The following LIPA variants were observed in gnomAD, a reference collection of about 807,000 sequenced individuals.
LIPA encodes lysosomal acid lipase/cholesteryl ester hydrolase.
LIPA carries 26 observed loss-of-function variants against 40.6 expected under a neutral mutation model. The observed-to-expected ratio is 0.64, with a 90% CI of 0.47 to 0.89. The LOEUF is 0.89. Among genes scored for constraint, LIPA ranks in the 40% least tolerant of loss-of-function variants. LIPA has a pLI of 0.00. For missense variants in LIPA, 455 were observed against 479.6 expected (o/e 0.95, Z 0.48); for synonymous variants, 188 against 168.4 (o/e 1.12, Z -0.90).
Position 89,239,677 on chromosome 10 carries a change from G to A in LIPA, c.229+5999C>T, listed in dbSNP as rs533846330. ...AATCACTCTGATCACCAGGCAACAC[G>A]AAGGCAGTAATGTGGTCTGTCTTGT... On this transcript the variant is annotated intron_variant, in intron 3 of 9. Transcript: ENST00000336233. Among the ~76,000 whole-genome samples the A allele has an allele frequency of 4.1e-4, 62 of 152,288 alleles. No homozygotes were observed. The South Asian group carries it at 0.011, about 27-fold the overall frequency.
At position 89,355,079 on chromosome 10, in the gene LIPA, A is replaced by G. The variant is rs1843982228; in HGVS notation, c.61+57712T>C. ...CCTGAAAAGATGTGTCAAAAGGCCA[A>G]TTTTAGGGTCCTACAATAGTGTTGT... On this transcript the variant is annotated intron_variant, in intron 2 of 8. Transcript: ENST00000371837. Among the ~76,000 whole-genome samples the G allele has an allele frequency of 2.6e-5, 4 of 152,170 alleles. No homozygotes were observed. In the South Asian group the frequency reaches 6.2e-4, roughly 24 times the overall value.
chr10:89,328,208 G>A, intron 1 of LIPA: 1 of 954,144 alleles, frequency 1.0e-6, no homozygotes, highest in Non-Finnish European at 1.6e-6. Context: ...ATCAGTCTGA[G>A]CATTTGTAAG....
At chr10:89,362,689 T>C in intron 2 of LIPA, 2 of 657,658 alleles carry the variant, frequency 3.0e-6, no homozygotes, top group South Asian at 3.0e-5. Flanking sequence ...TGCAAGAAGT[T>C]TGCAAATGCT....
chr10:89,326,536 G>A (rs1042338298), intron 1 of LIPA, among the ~76,000 whole-genome samples: 5 of 152,152 alleles, frequency 3.3e-5, no homozygotes, highest in Admixed American at 2.0e-4. Flanking sequence ...ACAAGAGGAT[G>A]ACTATAGTCA....
intron 2 of LIPA, among the ~76,000 whole-genome samples, chr10:89,364,563 A>T (rs906373603): frequency 2.0e-5 from 3 of 151,894 alleles, no homozygotes; most frequent in Non-Finnish European, 2.9e-5. Context: ...ATAAATTATT[A>T]TAGCTTTATA....
intron 2 of LIPA, among the ~76,000 whole-genome samples, chr10:89,394,775 T>C (rs1193804939): frequency 6.6e-6 from 1 of 151,990 alleles, no homozygotes; most frequent in Non-Finnish European, 1.5e-5. Context: ...TCATCATCAC[T>C]ATCTAGTTCA....
chr10:89,311,306 T>A (rs549577664), intron 1 of LIPA, among the ~76,000 whole-genome samples: 17 of 152,206 alleles, frequency 1.1e-4, no homozygotes, highest in Admixed American at 2.6e-4. Context: ...GTAGATCACC[T>A]GAGGTCAGGA....
At chr10:89,231,566 T>A (rs1842842887) in intron 3 of LIPA, among the ~76,000 whole-genome samples, 1 of 152,118 alleles carries the variant, frequency 6.6e-6, no homozygotes, top group African/African-American at 2.4e-5. Context: ...CTCAAACTCC[T>A]GGACTCAAGT....
intron 2 of LIPA, among the ~76,000 whole-genome samples, chr10:89,386,946 A>AGTGT (rs756939371): frequency 0.07 from 8,848 of 125,738 alleles, 914 homozygotes; most frequent in African/African-American, 0.23. Flanking sequence ...TGGGTATATG[A>AGTGT]GTGTGTGTGT....
intron 3 of LIPA, among the ~76,000 whole-genome samples, chr10:89,232,278 C>T (rs1007368370): frequency 6.6e-6 from 1 of 152,186 alleles, no homozygotes; most frequent in African/African-American, 2.4e-5. Flanking sequence ...GCTCATGTCA[C>T]AGCTCTTTAG....
At chr10:89,243,469 G>T (rs1842987041) in intron 3 of LIPA, among the ~76,000 whole-genome samples, 2 of 152,020 alleles carry the variant, frequency 1.3e-5, no homozygotes, top group Admixed American at 1.3e-4. Flanking sequence ...AACAGATTTA[G>T]CTTAGAGTAA....
chr10:89,281,238 C>T (rs769950280), intron 1 of LIPA, among the ~76,000 whole-genome samples: 1 of 152,112 alleles, frequency 6.6e-6, no homozygotes, highest in Admixed American at 6.5e-5. Context: ...AGCAAAGAAT[C>T]CTGCTGAGCC....
chr10:89,329,838 G>A (rs1032968924), intron 1 of LIPA, among the ~76,000 whole-genome samples: 3 of 152,180 alleles, frequency 2.0e-5, no homozygotes, highest in Non-Finnish European at 4.4e-5. Flanking sequence ...TATTTCACCT[G>A]GGTGCAGGTG....
In LIPA at chr10:89,375,682, C is replaced by T. The variant is rs573668304; in HGVS notation, c.61+37109G>A. ...GCAAACTTGGTCTTCCACAGCAGGGCTACGTGGGCCTAGTTTCCTTTCCCT... is the reference window on the plus strand; with the variant it reads ...GCAAACTTGGTCTTCCACAGCAGGGTTACGTGGGCCTAGTTTCCTTTCCCT... On this transcript the variant is annotated intron_variant, in intron 2 of 8. Coordinates refer to the LIPA transcript ENST00000371837. Among the ~76,000 whole-genome samples the T allele has an allele frequency of 4.6e-5, 7 of 152,304 alleles. No individual in the cohort carries two copies. In the South Asian group the frequency reaches 1.4e-3, roughly 32 times the overall value.
chr10:89,304,172 G>A (rs930636572), intron 1 of LIPA, among the ~76,000 whole-genome samples: 1 of 152,188 alleles, frequency 6.6e-6, no homozygotes, highest in African/African-American at 2.4e-5. Context: ...ATAGGCAGGA[G>A]TTTATAGGAA....
At chr10:89,218,178 G>A (rs1232964531) in intron 8 of LIPA, among the ~76,000 whole-genome samples, 3 of 152,178 alleles carry the variant, frequency 2.0e-5, no homozygotes, top group Non-Finnish European at 4.4e-5. Flanking sequence ...TAATAAAAAT[G>A]TAAACGGGTT....
At position 89,403,138 on chromosome 10, in the gene LIPA, A is replaced by G. The variant is rs573747158; in HGVS notation, c.61+9653T>C. 8 of 1,614,134 alleles carry G rather than the reference A, an allele frequency of 5.0e-6. No homozygotes were observed. The African/African-American group carries it at 6.7e-5, about 13-fold the overall frequency. ...GAAACACCCACTTCTGTCTTACTGCATCACCAGATAGGGCTTTGCTACAAG... is the reference window on the plus strand; with the variant it reads ...GAAACACCCACTTCTGTCTTACTGCGTCACCAGATAGGGCTTTGCTACAAG... On this transcript the variant is annotated intron_variant, in intron 2 of 8. Transcript: ENST00000371837.
Position 89,332,641 on chromosome 10 carries a change from G to C in LIPA, c.-2+9970C>G. 1.9e-6 allele frequency: 3 copies of C among 1,613,412 alleles called. No individual in the cohort carries two copies. The Admixed American group carries it at 5.0e-5, about 27-fold the overall frequency. ...AGCCATCATGAGGTAAATAGTCCCT[G>C]CTTCTCTGATAGGAAACAGAATTTC... On this transcript the variant is annotated intron_variant, in intron 1 of 5. Coordinates refer to the LIPA transcript ENST00000282673.
At chr10:89,390,050 G>T (rs1844234932) in intron 2 of LIPA, among the ~76,000 whole-genome samples, 1 of 136,706 alleles carries the variant, frequency 7.3e-6, no homozygotes, top group South Asian at 2.3e-4. Flanking sequence ...GAAATGGCAC[G>T]ATCTCGGCTC....
Sources: gnomAD v4.1 joint callset for allele counts (sites outside exome capture counted in the v4.1 genomes callset) on GRCh38, gnomAD v4.1.1 for gene constraint, MANE v1.5 for transcripts, NCBI Gene and HGNC (gene_info 2026-07-23, HGNC 2026-07-21) for gene names.